The following PLEKHB2 variants were observed in gnomAD, a reference collection of about 807,000 sequenced individuals.
PLEKHB2 encodes pleckstrin homology domain-containing family B member 2.
In PLEKHB2, 31 loss-of-function variants were observed where a neutral mutation model predicts 36.5. The observed-to-expected ratio is 0.85, with a 90% CI of 0.64 to 1.15. The LOEUF (loss-of-function observed/expected upper bound fraction) is 1.15, where lower values mean the gene tolerates loss of function less well. PLEKHB2 is among the 50% of genes most tolerant of loss of function. The pLI is 0.00. For synonymous variants in PLEKHB2, 119 were observed against 112.0 expected, an observed-to-expected ratio of 1.06 and a Z score of -0.39; for missense variants, 262 against 295.3, an observed-to-expected ratio of 0.89 and a Z score of 0.83.
intron 6 of PLEKHB2, among the ~76,000 whole-genome samples, chr2:131,134,356 T>G (rs554220944): frequency 6.6e-6 from 1 of 152,266 alleles, no homozygotes; most frequent in South Asian, 2.1e-4. Flanking sequence ...TGGCTTTTCC[T>G]TTTCTCGGTT....
At chr2:131,120,766 A>C in intron 1 of PLEKHB2, 168 bp from the exon 2 acceptor site, 1 of 710,720 alleles carries the variant, frequency 1.4e-6, no homozygotes, top group Non-Finnish European at 2.6e-6. Flanking sequence ...TGCGGGGCAC[A>C]TGAACCCCAA....
intron 6 of PLEKHB2, among the ~76,000 whole-genome samples, chr2:131,138,637 A>G (rs1361640046): frequency 6.6e-6 from 1 of 152,012 alleles, no homozygotes; most frequent in East Asian, 1.9e-4. Context: ...TTGTGAATTT[A>G]GGTTCTGACT....
chr2:131,142,241 T>C (rs1324383686), intron 7 of PLEKHB2, among the ~76,000 whole-genome samples: 4 of 152,242 alleles, frequency 2.6e-5, no homozygotes, highest in African/African-American at 9.6e-5. Context: ...TTTCTTCTTA[T>C]CAATGTTATA....
chr2:131,108,225 A>G (rs1378021059), intron 1 of PLEKHB2, among the ~76,000 whole-genome samples: 1 of 152,240 alleles, frequency 6.6e-6, no homozygotes, highest in Non-Finnish European at 1.5e-5. Context: ...AAGAGATACA[A>G]ATTCAAATTT....
At chr2:131,140,102 C>A in intron 6 of PLEKHB2, 65 bp from the exon 7 acceptor site, 1 of 952,714 alleles carries the variant, frequency 1.0e-6, no homozygotes, top group Non-Finnish European at 1.6e-6. Context: ...AACCTGGAGA[C>A]CACAATTTTA....
At chr2:131,139,709 A>G (rs1201400933) in intron 6 of PLEKHB2, among the ~76,000 whole-genome samples, 2 of 152,170 alleles carry the variant, frequency 1.3e-5, no homozygotes, top group Non-Finnish European at 2.9e-5. Context: ...GGGCACCCTC[A>G]TCTTCCATAT....
Position 131,132,991 on chromosome 2 carries a change from G to C in PLEKHB2, c.423G>C (p.Glu141Asp). ...PYTAYAAPAP[E>D]QAYGYGPYGG... The stretch of plus-strand genomic sequence containing the variant: ...CGGCCTATGCTGCACCGGCCCCTGA[G>C]GTAGGGAGAACCCTGAGCCTCCAGG... The change falls in exon 6 of 8, where the codon GAG becomes GAC. Residue 141 changes from glutamate (E) to aspartate (D), a missense_variant and splice_region_variant. Coordinates refer to ENST00000693505, the MANE Select transcript of PLEKHB2 (RefSeq NM_001100623.2). 1 of 1,611,014 alleles carries C rather than the reference G, an allele frequency of 6.2e-7. No individual in the cohort carries two copies. The highest frequency in any genetic ancestry group is 8.5e-7 in the Non-Finnish European group (1 of 1,177,204).
chr2:131,115,969 T>C (rs1283576351), intron 1 of PLEKHB2, among the ~76,000 whole-genome samples: 3 of 152,202 alleles, frequency 2.0e-5, no homozygotes, highest in Non-Finnish European at 2.9e-5. Context: ...AAATCTGCTC[T>C]GGGAGGTACA....
intron 1 of PLEKHB2, among the ~76,000 whole-genome samples, chr2:131,108,433 G>A (rs942440053): frequency 6.6e-6 from 1 of 152,130 alleles, no homozygotes; most frequent in Non-Finnish European, 1.5e-5. Context: ...GTGAAATGTT[G>A]AATTAAGTTA....
At chr2:131,141,499 G>C (rs1484176464) in intron 7 of PLEKHB2, among the ~76,000 whole-genome samples, 1 of 151,928 alleles carries the variant, frequency 6.6e-6, no homozygotes, top group Non-Finnish European at 1.5e-5. Context: ...AATTAGCTGG[G>C]CATGGTGGCG....
chr2:131,129,209 C>A (rs1438655319), intron 4 of PLEKHB2, among the ~76,000 whole-genome samples: 1 of 151,160 alleles, frequency 6.6e-6, no homozygotes, highest in Non-Finnish European at 1.5e-5. Context: ...CCTGTAATCC[C>A]AGCTACTTGG....
In PLEKHB2 at chr2:131,148,909, G is replaced by C. The variant is rs1487652837; in HGVS notation, c.*2136G>C. 6.6e-6 allele frequency: 1 copy of C among 152,150 alleles called. No individual in the cohort carries two copies. Among genetic ancestry groups the C allele is most frequent in the East Asian group, 1.9e-4 (1 of 5,202 alleles). 9.4% of individuals were successfully genotyped at this position (152,150 alleles called of 1,614,324 possible). On this transcript the variant is annotated 3_prime_UTR_variant, in exon 8 of 8. Transcript: ENST00000693505. The stretch of plus-strand genomic sequence containing the variant: ...TATTAACAGTTTTTCATGTTGCACT[G>C]GTGGTAATTTTGAACTTGGAATTAC...
intron 5 of PLEKHB2, 147 bp from the exon 6 acceptor site, chr2:131,132,754 TG>T (rs1559089250): frequency 1.8e-6 from 1 of 549,006 alleles, no homozygotes. Context: ...CCCACTGGAC[TG>T]GGGGAGTTTT....
intron 7 of PLEKHB2, among the ~76,000 whole-genome samples, chr2:131,141,770 A>T (rs886784315): frequency 3.3e-5 from 5 of 152,160 alleles, no homozygotes; most frequent in Non-Finnish European, 7.4e-5. Context: ...ATTCTTGGAA[A>T]CTGTTACTTT....
At chr2:131,123,087 G>A (rs1696685857) in intron 2 of PLEKHB2, among the ~76,000 whole-genome samples, 1 of 152,188 alleles carries the variant, frequency 6.6e-6, no homozygotes, top group African/African-American at 2.4e-5. Context: ...GCCTAGCATG[G>A]TGATGTACAC....
In PLEKHB2 at chr2:131,146,911, T is replaced by G; in HGVS notation, c.*138T>G. 1.4e-6 allele frequency: 1 copy of G among 720,758 alleles called. No individual in the cohort carries two copies. Among genetic ancestry groups the G allele is most frequent in the East Asian group, 2.7e-5 (1 of 36,836 alleles). The allele number at this position is 720,758 out of a possible 1,614,324, so 44.6% of individuals were successfully genotyped here. On this transcript the variant is annotated 3_prime_UTR_variant, in exon 8 of 8. Coordinates refer to ENST00000693505, the MANE Select transcript of PLEKHB2 (RefSeq NM_001100623.2). ...TTTGAAAGTAGTGATGTCATAATTG[T>G]ACTAATCCACATAAGTACCACAGAG...
In PLEKHB2 at chr2:131,125,855, T is replaced by G; in HGVS notation, c.140T>G (p.Val47Gly). ...DQTRQNIEDK[V>G]HMPMDCINIR... ...ACTCGGCAGAATATCGAGGATAAGG[T>G]CCACATGCCAATGGACTGCATCAAC... The change falls in exon 3 of 8, where the codon GTC (valine) becomes GGC (glycine). Residue 47 changes from valine (V) to glycine (G), a missense_variant. Physicochemically the swap from Val to Gly is moderately radical, Grantham distance 109 (BLOSUM62 -3). Transcript: ENST00000693505. 6.2e-7 allele frequency: 1 copy of G among 1,613,650 alleles called. No individual in the cohort carries two copies. The highest frequency in any genetic ancestry group is 8.5e-7 in the Non-Finnish European group (1 of 1,179,834).
At chr2:131,117,054 G>A (rs1382114498) in intron 1 of PLEKHB2, among the ~76,000 whole-genome samples, 8 of 152,056 alleles carry the variant, frequency 5.3e-5, no homozygotes, top group Middle Eastern at 3.2e-3. Context: ...CCTCAGAGGC[G>A]GAGGTTGCAG....
chr2:131,132,471 T>C lies in PLEKHB2; in HGVS notation c.334-431T>C, dbSNP rs143792831. Among the ~76,000 whole-genome samples the C allele has an allele frequency of 1.3e-3, 199 of 152,204 alleles. 1 individual carries two copies. The East Asian group carries it at 0.016, about 12-fold the overall frequency. On this transcript the variant is annotated intron_variant, in intron 5 of 7. Coordinates refer to ENST00000693505, the MANE Select transcript of PLEKHB2 (RefSeq NM_001100623.2). ...ATAAGCACCATGCCCAGTTAATTTC[T>C]TGTTTTTTGTAGAGATGAGCTCTCC... is the stretch of plus-strand genomic sequence containing the variant.
Sources: gnomAD v4.1 joint callset for allele counts (sites outside exome capture counted in the v4.1 genomes callset) on GRCh38, gnomAD v4.1.1 for gene constraint, MANE v1.5 for transcripts, NCBI Gene and HGNC (gene_info 2026-07-23, HGNC 2026-07-21) for gene names.